The following STK10 variants were observed in gnomAD, a reference collection of about 807,000 sequenced individuals.
STK10 encodes serine/threonine-protein kinase 10.
In STK10, 78 loss-of-function variants were observed where a neutral mutation model predicts 113.8. The ratio of observed to expected loss-of-function variants is 0.69; its 90% CI spans 0.57 to 0.83. The LOEUF is 0.83. STK10 is among the 40% of genes least tolerant of loss of function. The pLI is 0.00. For synonymous variants in STK10, 465 were observed against 494.7 expected (o/e 0.94, Z 0.80); for missense variants, 1,109 against 1,280.1 (o/e 0.87, Z 2.04).
chr5:172,157,060 T>TA (rs982259152), intron 1 of STK10, among the ~76,000 whole-genome samples: 35 of 152,154 alleles, frequency 2.3e-4, no homozygotes, highest in African/African-American at 7.0e-4. Flanking sequence ...ATTTGTTCAG[T>TA]AAAAAACGAA....
chr5:172,169,304 C>T (rs903361158), intron 1 of STK10, among the ~76,000 whole-genome samples: 3 of 152,166 alleles, frequency 2.0e-5, no homozygotes, highest in African/African-American at 4.8e-5. Context: ...TCTCAGTCTA[C>T]CCTACAGAGC....
chr5:172,172,919 G>T lies in STK10; in HGVS notation c.156+14968C>A, dbSNP rs564829396. Among the ~76,000 whole-genome samples, 168 of 152,222 alleles carry T rather than the reference G, an allele frequency of 1.1e-3. 1 individual carries two copies. The highest frequency in any genetic ancestry group is 3.8e-3 in the African/African-American group (158 of 41,540). On this transcript the variant is annotated intron_variant, in intron 1 of 18. Transcript: ENST00000176763. ...CGCTTGAACCCAGGAAGCGGAGGTT[G>T]CAGTGAGTCGAGATCGCGTCACTGC...
In STK10 at chr5:172,188,162, A is replaced by T; in HGVS notation, c.-120T>A. The T allele has an allele frequency of 6.9e-7, 1 of 1,450,046 alleles. No individual in the cohort carries two copies. Among genetic ancestry groups the T allele is most frequent in the East Asian group, 2.5e-5 (1 of 39,302 alleles). The allele number at this position is 1,450,046 out of a possible 1,614,324, so 89.8% of individuals were successfully genotyped here. ...CCGCGTCTCTCGGGGTTCTCCCCAG[A>T]CCCGCCTTTCCCCGCAGCCCGACCT... On this transcript the variant is annotated 5_prime_UTR_variant, in exon 1 of 19. Transcript: ENST00000176763. The surrounding 1 kb of genome is among the most constrained non-coding windows in gnomAD (Gnocchi z 5.6).
At chr5:172,138,354 C>G (rs1160113450) in intron 2 of STK10, among the ~76,000 whole-genome samples, 2 of 152,094 alleles carry the variant, frequency 1.3e-5, no homozygotes, top group South Asian at 2.1e-4. Context: ...GAATTCTTGA[C>G]CTTGTGATCC....
chr5:172,078,550 A>T (rs1337193894), intron 12 of STK10, among the ~76,000 whole-genome samples: 1 of 145,486 alleles, frequency 6.9e-6, no homozygotes, highest in Non-Finnish European at 1.5e-5. Flanking sequence ...GAGCAGGAGG[A>T]TCACTTGAGC....
intron 10 of STK10, among the ~76,000 whole-genome samples, chr5:172,086,737 G>A (rs1473415882): frequency 6.6e-6 from 1 of 152,202 alleles, no homozygotes; most frequent in Non-Finnish European, 1.5e-5. Context: ...CTGGTGGCCT[G>A]GCCTAGTTTA....
At chr5:172,116,560 G>A (rs368696501) in intron 4 of STK10, among the ~76,000 whole-genome samples, 1 of 152,060 alleles carries the variant, frequency 6.6e-6, no homozygotes, top group African/African-American at 2.4e-5. Flanking sequence ...AATACAAAGA[G>A]GAGACATTTA....
chr5:172,140,875 C>A (rs1581175069), intron 2 of STK10, among the ~76,000 whole-genome samples: 1 of 152,052 alleles, frequency 6.6e-6, no homozygotes, highest in Non-Finnish European at 1.5e-5. Flanking sequence ...TAAATGTCCA[C>A]CAAGAGATGA....
chr5:172,154,362 C>A (rs1770302467), intron 2 of STK10, among the ~76,000 whole-genome samples: 1 of 152,304 alleles, frequency 6.6e-6, no homozygotes, highest in South Asian at 2.1e-4. Flanking sequence ...ACTTTACCAC[C>A]CTCATCTTTC....
intron 12 of STK10, among the ~76,000 whole-genome samples, chr5:172,071,995 C>T (rs1248920196): frequency 6.6e-6 from 1 of 151,962 alleles, no homozygotes; most frequent in Non-Finnish European, 1.5e-5. Context: ...GAACACAGAC[C>T]CCAAAATCCT....
At chr5:172,058,912 G>T (rs1198587416) in intron 14 of STK10, among the ~76,000 whole-genome samples, 1 of 151,762 alleles carries the variant, frequency 6.6e-6, no homozygotes, top group African/African-American at 2.4e-5. Flanking sequence ...CAAAAAAAAT[G>T]TATATAGTTA....
At chr5:172,127,023 C>A (rs1001868481) in intron 3 of STK10, among the ~76,000 whole-genome samples, 2 of 151,994 alleles carry the variant, frequency 1.3e-5, no homozygotes, top group East Asian at 3.9e-4. Flanking sequence ...AAAAACAAGC[C>A]GTGCGTGGTG....
intron 2 of STK10, among the ~76,000 whole-genome samples, 180 bp downstream of exon 2, chr5:172,156,444 G>A (rs1307043219): frequency 6.6e-6 from 1 of 152,208 alleles, no homozygotes; most frequent in African/African-American, 2.4e-5. Context: ...ACTCCCAAGG[G>A]GGAGGCACCA....
chr5:172,125,970 T>C (rs1007915375), intron 3 of STK10, among the ~76,000 whole-genome samples: 5 of 152,242 alleles, frequency 3.3e-5, no homozygotes, highest in African/African-American at 7.2e-5. Context: ...TTCAGGTTTA[T>C]GGCATTCAAG....
At chr5:172,185,539 T>C (rs982428538) in intron 1 of STK10, among the ~76,000 whole-genome samples, 34 of 152,210 alleles carry the variant, frequency 2.2e-4, no homozygotes, top group African/African-American at 7.7e-4. Flanking sequence ...AGTGCTAGGA[T>C]TACAGGCGTG....
intron 10 of STK10, among the ~76,000 whole-genome samples, chr5:172,086,131 G>A (rs1335203275): frequency 2.0e-5 from 3 of 152,210 alleles, no homozygotes; most frequent in African/African-American, 4.8e-5. Context: ...TTTACCTGTT[G>A]GGTCCTTTGA....
chr5:172,087,590 T>C lies in STK10; in HGVS notation c.1685+2642A>G, dbSNP rs117657854. The stretch of plus-strand genomic sequence containing the variant: ...ACACCTGGCCTATGCTTTCATTTTT[T>C]ACAATTTATTTTTTAAATTTATTTA... On this transcript the variant is annotated intron_variant, in intron 10 of 18. Coordinates refer to ENST00000176763, the MANE Select transcript of STK10 (RefSeq NM_005990.4). Among the ~76,000 whole-genome samples the C allele has an allele frequency of 6.2e-4, 93 of 150,880 alleles. No homozygotes were observed. In the East Asian group the frequency reaches 0.017, roughly 27 times the overall value.
At chr5:172,178,379 T>G (rs1055421611) in intron 1 of STK10, among the ~76,000 whole-genome samples, 11 of 151,770 alleles carry the variant, frequency 7.2e-5, no homozygotes, top group African/African-American at 2.7e-4. Flanking sequence ...CTTATCACCA[T>G]CCCGCCTGCC....
rs1467400147 is a variant in STK10 at position 172,044,889 on chromosome 5, G to A, written c.2900C>T (p.Ala967Val). ...CACAGCCCCGGGCGGTTGTTAAGAAGCATCCGCAGAACTGTAGGGGAAGAA... is the reference window on the plus strand; with the variant it reads ...CACAGCCCCGGGCGGTTGTTAAGAAACATCCGCAGAACTGTAGGGGAAGAA... ...AKFFPYSSAD[A>V]S The change falls in exon 19 of 19, where the codon GCT becomes GTT. Residue 967 changes from alanine (A) to valine (V), a missense_variant. Physicochemically the swap from Ala to Val is moderately conservative, Grantham distance 64 (BLOSUM62 0). Transcript: ENST00000176763. This position sits in a 1 kb window ranked among gnomAD's most constrained non-coding sequence, Gnocchi z 4.5. The A allele has an allele frequency of 1.2e-6, 2 of 1,614,100 alleles. No individual in the cohort carries two copies. The highest frequency in any genetic ancestry group is 1.7e-6 in the Non-Finnish European group (2 of 1,180,058).
Sources: gnomAD v4.1 joint callset for allele counts (sites outside exome capture counted in the v4.1 genomes callset) on GRCh38, gnomAD v4.1.1 for gene constraint, Gnocchi (gnomAD v3.1) non-coding constraint, MANE v1.5 for transcripts, NCBI Gene and HGNC (gene_info 2026-07-23, HGNC 2026-07-21) for gene names.